Variants in TPM4 observed in about 807,000 individuals in gnomAD.
TPM4 encodes the protein tropomyosin alpha-4 chain.
A neutral mutation model predicts 35.8 loss-of-function variants in TPM4; 17 were observed. That is an observed-to-expected ratio of 0.47 (90% CI 0.32 to 0.71). The LOEUF (loss-of-function observed/expected upper bound fraction) is 0.71, where lower values mean the gene tolerates loss of function less well. Ranked by LOEUF, TPM4 falls within the 30% of genes least tolerant of loss-of-function variation. The pLI, the probability that TPM4 is intolerant of heterozygous loss-of-function variation, is 0.03. For synonymous variants in TPM4, 120 were observed against 122.9 expected, an observed-to-expected ratio of 0.98 and a Z score of 0.15; for missense variants, 240 against 320.9, an observed-to-expected ratio of 0.75 and a Z score of 1.93.
intron 7 of TPM4, among the ~76,000 whole-genome samples, chr19:16,097,961 C>G (rs1335920686): frequency 6.6e-6 from 1 of 152,196 alleles, no homozygotes; most frequent in Non-Finnish European, 1.5e-5. Flanking sequence ...AACCATTCCC[C>G]TCACACATTG....
chr19:16,086,227 G>A (rs1031618259), intron 2 of TPM4, among the ~76,000 whole-genome samples, 196 bp from the exon 3 acceptor site: 1 of 150,772 alleles, frequency 6.6e-6, no homozygotes, highest in South Asian at 2.1e-4. Flanking sequence ...ACGGGTGCCT[G>A]TAATTCCAGC....
At chr19:16,072,948 C>T (rs1370242649), upstream of TPM4, among the ~76,000 whole-genome samples, 2 of 152,154 alleles carry the variant, frequency 1.3e-5, no homozygotes, top group Admixed American at 6.6e-5. Context: ...CCAACACATT[C>T]TAAATGCCAG....
upstream of TPM4, chr19:16,075,223 G>C (rs1174007168): frequency 6.6e-6 from 1 of 152,216 alleles, no homozygotes; most frequent in Non-Finnish European, 1.5e-5. Context: ...GTGGTGGGGG[G>C]TGACAAAGAG....
Position 16,080,980 on chromosome 19 carries a change from T to C in TPM4, c.133-933T>C, listed in dbSNP as rs561759552. 1.5e-5 allele frequency: 6 copies of C among 398,622 alleles called. No homozygotes were observed. The East Asian group carries it at 2.1e-4, about 14-fold the overall frequency. The allele number at this position is 398,622 out of a possible 1,614,324, so 24.7% of individuals were successfully genotyped here. A position where few individuals can be genotyped will look rare whatever the true frequency, so the allele number is the denominator to read the frequency against. ...GTCTTCCATGCCTGCAACCAAGTTT[T>C]CTTTCCCTTTCCATATCTTTTTGTC... is the stretch of plus-strand genomic sequence containing the variant. On this transcript the variant is annotated intron_variant, in intron 1 of 7. Transcript: ENST00000643579.
At chr19:16,071,965 G>A (rs1209824734), upstream of TPM4, among the ~76,000 whole-genome samples, 2 of 152,208 alleles carry the variant, frequency 1.3e-5, no homozygotes, top group African/African-American at 4.8e-5. Context: ...ACAATGACGG[G>A]CACGCGCCAC....
At chr19:16,069,912 G>A (rs1282515366) in intron 2 of TPM4, among the ~76,000 whole-genome samples, 1 of 151,978 alleles carries the variant, frequency 6.6e-6, no homozygotes, top group Non-Finnish European at 1.5e-5. Context: ...GTGACACTAT[G>A]CCCCTGGATC....
At chr19:16,075,704 A>G (rs77913826), upstream of TPM4, 2,328 of 218,498 alleles carry the variant, frequency 0.011, 52 homozygotes, top group African/African-American at 0.039. Flanking sequence ...TTAACTCCAG[A>G]TCATGGTGAG....
upstream of TPM4, among the ~76,000 whole-genome samples, chr19:16,074,071 T>G (rs891257702): frequency 6.7e-6 from 1 of 150,226 alleles, no homozygotes; most frequent in African/African-American, 2.4e-5. Flanking sequence ...CTGGTACATT[T>G]TGCACATCCA....
At chr19:16,096,142 G>A (rs1408039997) in intron 7 of TPM4, among the ~76,000 whole-genome samples, 1 of 152,122 alleles carries the variant, frequency 6.6e-6, no homozygotes, top group Non-Finnish European at 1.5e-5. Flanking sequence ...TGTTGGTCAG[G>A]CTGGTCTCAA....
At chr19:16,100,312 C>G (rs1434305541) in intron 7 of TPM4, 1 of 152,178 alleles carries the variant, frequency 6.6e-6, no homozygotes, top group African/African-American at 2.4e-5. Flanking sequence ...ATCTGAGTTT[C>G]AGATAAGCAA....
At chr19:16,087,219 C>G (rs1264234207) in intron 3 of TPM4, among the ~76,000 whole-genome samples, 1 of 151,882 alleles carries the variant, frequency 6.6e-6, no homozygotes, top group Non-Finnish European at 1.5e-5. Flanking sequence ...GAAGTCAAGG[C>G]TGCAGTGAGC....
At chr19:16,088,450 C>T (rs781304901) in intron 4 of TPM4, 29 of 1,104,340 alleles carry the variant, frequency 2.6e-5, no homozygotes, top group Non-Finnish European at 3.1e-5. Flanking sequence ...CAGGCTCCCC[C>T]GGTCAGTATG....
chr19:16,076,437 G>A, upstream of TPM4: 13 of 1,346,150 alleles, frequency 9.7e-6, no homozygotes, highest in Non-Finnish European at 1.2e-5. Flanking sequence ...CCCGGGGGGC[G>A]GGGAGAGGCG....
intron 7 of TPM4, among the ~76,000 whole-genome samples, chr19:16,098,836 A>G (rs887279447): frequency 5.9e-5 from 9 of 152,160 alleles, no homozygotes; most frequent in Non-Finnish European, 1.0e-4. Context: ...ATAAATAAAG[A>G]GACCAGGATT....
At chr19:16,083,873 C>T (rs962450092) in intron 2 of TPM4, among the ~76,000 whole-genome samples, 4 of 151,932 alleles carry the variant, frequency 2.6e-5, no homozygotes, top group South Asian at 2.1e-4. Flanking sequence ...ATCCTCCCGC[C>T]ACGGCCTCCA....
chr19:16,085,486 A>C (rs759958328), intron 2 of TPM4, among the ~76,000 whole-genome samples: 2 of 151,888 alleles, frequency 1.3e-5, no homozygotes, highest in African/African-American at 2.4e-5. Context: ...GGATTGCTTG[A>C]GCCTGAGAGG....
At chr19:16,092,588 T>G (rs1215703163) in intron 5 of TPM4, among the ~76,000 whole-genome samples, 2 of 150,608 alleles carry the variant, frequency 1.3e-5, no homozygotes, top group Non-Finnish European at 3.0e-5. Context: ...CAGGCTGGAG[T>G]GCGGTGGCGC....
intron 7 of TPM4, 73 bp from the exon 8 acceptor site, chr19:16,101,191 A>C: frequency 1.5e-6 from 2 of 1,297,768 alleles, no homozygotes; most frequent in Non-Finnish European, 2.1e-6. Context: ...AAAAAAAACA[A>C]ATCTTTTTTT....
At chr19:16,069,640 G>T in intron 2 of TPM4, among the ~76,000 whole-genome samples, 1 of 146,416 alleles carries the variant, frequency 6.8e-6, no homozygotes, top group East Asian at 2.0e-4. Flanking sequence ...GTGAGTGTGT[G>T]TTTCTGTTGG....
Sources: gnomAD v4.1 joint callset for allele counts (sites outside exome capture counted in the v4.1 genomes callset) on GRCh38, gnomAD v4.1.1 for gene constraint, MANE v1.5 for transcripts, NCBI Gene and HGNC (gene_info 2026-07-23, HGNC 2026-07-21) for gene names.